Variants in DNTTIP2 observed in about 807,000 individuals in gnomAD.
DNTTIP2 encodes deoxynucleotidyltransferase terminal-interacting protein 2.
Under a neutral mutation model 62.4 loss-of-function variants are expected in DNTTIP2, and 47 were observed. That is an observed-to-expected ratio of 0.75 (90% CI 0.60 to 0.96). The LOEUF is 0.96. DNTTIP2 is among the 40% of genes least tolerant of loss of function. DNTTIP2 has a pLI of 0.00. For missense variants in DNTTIP2, 870 were observed against 849.1 expected, an observed-to-expected ratio of 1.02 and a Z score of -0.31; for synonymous variants, 322 against 300.9, an observed-to-expected ratio of 1.07 and a Z score of -0.73.
At chr1:93,875,398 C>A (rs1011041367) in intron 3 of DNTTIP2, among the ~76,000 whole-genome samples, 5 of 152,098 alleles carry the variant, frequency 3.3e-5, no homozygotes, top group African/African-American at 1.2e-4. Context: ...AAAAACAAAA[C>A]CCCTGGGATC....
intron 6 of DNTTIP2, among the ~76,000 whole-genome samples, chr1:93,870,429 C>T (rs530618234): frequency 6.6e-6 from 1 of 152,216 alleles, no homozygotes; most frequent in South Asian, 2.1e-4. Context: ...CACCCTCGTT[C>T]TCTCATGAGT....
chr1:93,877,244 C>T lies in DNTTIP2; in HGVS notation c.691G>A (p.Gly231Ser), dbSNP rs986683489. ...IVPGNEKQIV[G>S]TPVNSEDSDT... The stretch of plus-strand genomic sequence containing the variant: ...GAATCCTCTGAATTCACAGGTGTAC[C>T]CACGATCTGTTTCTCATTTCCTGGT... Residue 231 changes from glycine (G) to serine (S), a missense_variant, in exon 2 of 7, where the codon GGT (glycine) becomes AGT (serine). Transcript: ENST00000436063. 14 of 1,613,844 alleles carry T rather than the reference C, an allele frequency of 8.7e-6. No individual in the cohort carries two copies. The highest frequency in any genetic ancestry group is 1.2e-5 in the Non-Finnish European group (14 of 1,179,870).
Position 93,870,770 on chromosome 1 carries a change from G to C in DNTTIP2, c.2090C>G (p.Pro697Arg). 1 of 1,560,766 alleles carries C rather than the reference G, an allele frequency of 6.4e-7. No homozygotes were observed. The highest frequency in any genetic ancestry group is 8.7e-7 in the Non-Finnish European group (1 of 1,149,584). Reference sequence around the variant, plus strand: ...AATTCGTGAATGGTAGAAATCAGCTGGATTGTCAACAATGGTTCCAATCTG... The same window carrying C: ...AATTCGTGAATGGTAGAAATCAGCTCGATTGTCAACAATGGTTCCAATCTG... ...YFQIGTIVDN[P>R]ADFYHSRIPK... The change falls in exon 6 of 7, where the codon CCA becomes CGA. Residue 697 changes from proline to arginine, a missense_variant. Physicochemically the swap from Pro to Arg is moderately radical, Grantham distance 103 (BLOSUM62 -2). Transcript: ENST00000436063.
Position 93,877,068 on chromosome 1 carries a change from A to G in DNTTIP2, c.867T>C (p.Leu289=). The G allele has an allele frequency of 6.2e-7, 1 of 1,612,002 alleles. No individual in the cohort carries two copies. Among genetic ancestry groups the G allele is most frequent in the South Asian group, 1.1e-5 (1 of 91,076 alleles). Reference sequence around the variant, plus strand: ...CCTTACAATTCTGTTTTGTTTCTTTAAGAGATTCAACATTGGCCTGTTCGT... The same window carrying G: ...CCTTACAATTCTGTTTTGTTTCTTTGAGAGATTCAACATTGGCCTGTTCGT... The part of the protein sequence containing the change: ...TVHEQANVES[L]KETKQNCKDL... The change falls in exon 2 of 7, where the codon CTT becomes CTC. Residue 289 remains leucine, a synonymous_variant. Transcript: ENST00000436063.
intron 5 of DNTTIP2, 104 bp from the exon 6 acceptor site, chr1:93,870,896 C>A: frequency 1.9e-6 from 1 of 523,966 alleles, no homozygotes; most frequent in Non-Finnish European, 3.2e-6. Context: ...AAAGAACAAG[C>A]TTACATTACA....
At chr1:93,878,068 A>C (rs12405426) in intron 1 of DNTTIP2, among the ~76,000 whole-genome samples, 4,132 of 152,284 alleles carry the variant, frequency 0.027, 137 homozygotes, top group Admixed American at 0.099. Context: ...GCACTCTGGG[A>C]GGCCGAGGCA....
chr1:93,874,645 G>A (rs1431738735), intron 3 of DNTTIP2, among the ~76,000 whole-genome samples: 4 of 152,144 alleles, frequency 2.6e-5, no homozygotes, highest in Admixed American at 1.3e-4. Flanking sequence ...TGTCACATCT[G>A]TGTGTGTGGT....
chr1:93,870,865 T>G, intron 5 of DNTTIP2, 73 bp from the exon 6 acceptor site: 2 of 676,514 alleles, frequency 3.0e-6, no homozygotes, highest in Non-Finnish European at 4.7e-6. Flanking sequence ...TAGCTCTAAT[T>G]ATATTTAGAG....
At chr1:93,870,295 A>G (rs1228458423) in intron 6 of DNTTIP2, among the ~76,000 whole-genome samples, 6 of 152,078 alleles carry the variant, frequency 3.9e-5, no homozygotes, top group Non-Finnish European at 1.5e-5. Context: ...GCACAGTATG[A>G]TATATATATT....
rs1655786905 is a variant in DNTTIP2, at chr1:93,868,963, T to A, written c.*888A>T. 1 of 142,690 alleles carries A rather than the reference T, an allele frequency of 7.0e-6. No homozygotes were observed. Among genetic ancestry groups the A allele is most frequent in the African/African-American group, 2.5e-5 (1 of 39,560 alleles). 8.8% of individuals were successfully genotyped at this position (142,690 alleles called of 1,614,324 possible). ...GTATACCTATGTAACCTGCATGTTC[T>A]ACACATGTACCCCAAAACTATTATT... On this transcript the variant is annotated 3_prime_UTR_variant, in exon 7 of 7. Coordinates refer to ENST00000436063, the MANE Select transcript of DNTTIP2 (RefSeq NM_014597.5).
chr1:93,875,745 C>T lies in DNTTIP2; in HGVS notation c.1706G>A (p.Ser569Asn). 1.2e-6 allele frequency: 2 copies of T among 1,613,274 alleles called. No homozygotes were observed. Among genetic ancestry groups the T allele is most frequent in the Non-Finnish European group, 1.7e-6 (2 of 1,179,696 alleles). ...ATACAAACCACCCAACTGCTTGATA[C>T]TCAGACCAGGGTCTATGCTGCTGCT... ...LTSSSIDPGL[S>N]IKQLGGLYIN... is the part of the protein sequence containing the mutation. Residue 569 changes from serine (S) to asparagine (N), a missense_variant, in exon 3 of 7, where the codon AGT becomes AAT. Physicochemically the swap from Ser to Asn is conservative, Grantham distance 46. Transcript: ENST00000436063.
chr1:93,879,084 C>T lies in DNTTIP2; in HGVS notation c.65G>A (p.Gly22Glu), dbSNP rs902852101. Reference sequence around the variant, plus strand: ...GAAGACTGGATTTCCTACCTTTTGCCCGGAACTTTCAGCCGACGCGGCTTG... The same window carrying T: ...GAAGACTGGATTTCCTACCTTTTGCTCGGAACTTTCAGCCGACGCGGCTTG... ...SIQAASAESS[G>E]QKSFAANGIQ... Residue 22 changes from glycine to glutamate, a missense_variant, in exon 1 of 7, where the codon GGG becomes GAG. By Grantham distance (98) the Gly-to-Glu change is moderately conservative. Coordinates refer to ENST00000436063, the MANE Select transcript of DNTTIP2 (RefSeq NM_014597.5). 4 of 1,613,738 alleles carry T rather than the reference C, an allele frequency of 2.5e-6. No homozygotes were observed. The South Asian group carries it at 4.4e-5, about 18-fold the overall frequency.
chr1:93,877,113 T>C lies in DNTTIP2; in HGVS notation c.822A>G (p.Ser274=). 6.2e-7 allele frequency: 1 copy of C among 1,611,594 alleles called. No homozygotes were observed. The highest frequency in any genetic ancestry group is 1.3e-5 in the African/African-American group (1 of 75,014). The change falls in exon 2 of 7, where the codon TCA becomes TCG. Residue 274 remains serine, a synonymous_variant. Transcript: ENST00000436063. ...GTTCGTGCACTGTTAATATATTTTC[T>C]GAACTTCTGTGGGAGAAATCATCAT... The part of the protein sequence containing the change: ...DFDDDFSHRS[S]ENILTVHEQA...
Position 93,877,027 on chromosome 1 carries a change from G to A in DNTTIP2, c.908C>T (p.Ala303Val). 1 of 1,612,332 alleles carries A rather than the reference G, an allele frequency of 6.2e-7. No individual in the cohort carries two copies. Among genetic ancestry groups the A allele is most frequent in the South Asian group, 1.1e-5 (1 of 91,068 alleles). Residue 303 changes from alanine to valine, a missense_variant, in exon 2 of 7, where the codon GCC (alanine) becomes GTC (valine). Ala to Val is a moderately conservative substitution (Grantham distance 64). Transcript: ENST00000436063. ...KQNCKDLDEDANGITDEGKEI... is the reference protein window; with the variant it reads ...KQNCKDLDEDVNGITDEGKEI... Reference sequence around the variant, plus strand: ...TTTCCCCTCATCTGTTATTCCATTGGCATCTTCATCCAAATCCTTACAATT... The same window carrying A: ...TTTCCCCTCATCTGTTATTCCATTGACATCTTCATCCAAATCCTTACAATT...
Position 93,877,738 on chromosome 1 carries a change from T to G in DNTTIP2, c.197A>C (p.Lys66Thr). The change falls in exon 2 of 7, where the codon AAG (lysine) becomes ACG (threonine). Residue 66 changes from lysine (K) to threonine (T), a missense_variant. Physicochemically the swap from Lys to Thr is moderately conservative, Grantham distance 78. Transcript: ENST00000436063. ...TGAGCCTGTAGTTCTGCTCTTCCTCTTTCTAGCTTTAGGAGTTCTAGGGAT... is the reference window on the plus strand; with the variant it reads ...TGAGCCTGTAGTTCTGCTCTTCCTCGTTCTAGCTTTAGGAGTTCTAGGGAT... ...SLIPRTPKAR[K>T]RKSRTTGSLP... The G allele has an allele frequency of 6.2e-7, 1 of 1,613,820 alleles. No individual in the cohort carries two copies. Among genetic ancestry groups the G allele is most frequent in the Non-Finnish European group, 8.5e-7 (1 of 1,179,894 alleles).
intron 3 of DNTTIP2, chr1:93,873,464 T>TAATTA (rs1557718063): frequency 6.1e-6 from 2 of 328,642 alleles, no homozygotes; most frequent in Non-Finnish European, 1.1e-5. Flanking sequence ...TAGTTGGGCA[T>TAATTA]GGTGGCACAC....
chr1:93,868,144 T>TA lies in DNTTIP2; in HGVS notation c.*1706dup, dbSNP rs1434380222. 2 of 152,072 alleles carry TA rather than the reference T, an allele frequency of 1.3e-5. No individual in the cohort carries two copies. The highest frequency in any genetic ancestry group is 6.6e-5 in the Admixed American group (1 of 15,262). 9.4% of individuals were successfully genotyped at this position (152,072 alleles called of 1,614,324 possible). A position where few individuals can be genotyped will look rare whatever the true frequency, so the allele number is the denominator to read the frequency against. ...TAATATCCAGAATCTACAAAGAACT[T>TA]AAACAAATTTACAAGAAAAAACCCC... On this transcript the variant is annotated 3_prime_UTR_variant, in exon 7 of 7. Transcript: ENST00000436063.
Position 93,869,161 on chromosome 1 carries a change from A to T in DNTTIP2, c.*690T>A, listed in dbSNP as rs1166188302. ...GCTTAGCCAGGGTGCATACTGTACC[A>T]CTGGAGAAGAGGTAAGCTGGGTTAA... On this transcript the variant is annotated 3_prime_UTR_variant, in exon 7 of 7. Coordinates refer to ENST00000436063, the MANE Select transcript of DNTTIP2 (RefSeq NM_014597.5). The T allele has an allele frequency of 6.6e-6, 1 of 151,840 alleles. No individual in the cohort carries two copies. Among genetic ancestry groups the T allele is most frequent in the Non-Finnish European group, 1.5e-5 (1 of 68,012 alleles). The allele number at this position is 151,840 out of a possible 1,614,324, so 9.4% of individuals were successfully genotyped here. A position where few individuals can be genotyped will look rare whatever the true frequency, so the allele number is the denominator to read the frequency against.
chr1:93,866,407 C>T lies in DNTTIP2; in HGVS notation c.*3444G>A, dbSNP rs955811135. 2 of 152,174 alleles carry T rather than the reference C, an allele frequency of 1.3e-5. No individual in the cohort carries two copies. Among genetic ancestry groups the T allele is most frequent in the African/African-American group, 2.4e-5 (1 of 41,440 alleles). 9.4% of individuals were successfully genotyped at this position (152,174 alleles called of 1,614,324 possible). A position where few individuals can be genotyped will look rare whatever the true frequency, so the allele number is the denominator to read the frequency against. Reference sequence around the variant, plus strand: ...TATTCATCTAATTAAATAGTAAGTACAAATTCCATTAAGTAAACAATTAGG... The same window carrying T: ...TATTCATCTAATTAAATAGTAAGTATAAATTCCATTAAGTAAACAATTAGG... On this transcript the variant is annotated 3_prime_UTR_variant, in exon 7 of 7. Transcript: ENST00000436063.
Sources: allele counts gnomAD v4.1 joint callset (sites outside exome capture counted in the v4.1 genomes callset), GRCh38; gene constraint gnomAD v4.1.1; transcripts MANE v1.5; gene names NCBI Gene and HGNC (gene_info 2026-07-23, HGNC 2026-07-21).